Variants in DNAH14 observed in about 807,000 individuals in gnomAD.
The protein encoded by DNAH14 is axonemal beta dynein heavy chain 14.
DNAH14 carries 478 observed loss-of-function variants against 520.9 expected under a neutral mutation model. That is an observed-to-expected ratio of 0.92 (90% confidence interval 0.85 to 0.99). The LOEUF (loss-of-function observed/expected upper bound fraction) is 0.99. Among genes scored for constraint, DNAH14 ranks in the 50% least tolerant of loss-of-function variants. The pLI, the probability that DNAH14 is intolerant of heterozygous loss-of-function variation, is 0.00. For synonymous variants in DNAH14, 1,581 were observed against 1,757.2 expected (o/e 0.90, Z 2.51); for missense variants, 4,831 against 5,234.5 (o/e 0.92, Z 2.38).
At chr1:225,052,544 G>A (rs1174885657) in intron 17 of DNAH14, among the ~76,000 whole-genome samples, 1 of 152,130 alleles carries the variant, frequency 6.6e-6, no homozygotes, top group Non-Finnish European at 1.5e-5. Flanking sequence ...TATATGCCAG[G>A]CATTGTACTA....
At chr1:225,002,464 A>C (rs756488430) in intron 8 of DNAH14, among the ~76,000 whole-genome samples, 2 of 152,146 alleles carry the variant, frequency 1.3e-5, no homozygotes, top group Non-Finnish European at 2.9e-5. Context: ...AATTTAATAC[A>C]TTGAGGACAT....
intron 15 of DNAH14, among the ~76,000 whole-genome samples, chr1:225,046,234 T>C (rs1361752635): frequency 6.6e-6 from 1 of 151,950 alleles, no homozygotes; most frequent in Non-Finnish European, 1.5e-5. Context: ...TCTTTTGCAA[T>C]TTACATTCAT....
At chr1:225,036,737 C>A (rs1236885324) in intron 11 of DNAH14, among the ~76,000 whole-genome samples, 3 of 152,124 alleles carry the variant, frequency 2.0e-5, no homozygotes, top group African/African-American at 7.2e-5. Context: ...GCTGTCTTGT[C>A]TGTGTTTTAC....
intron 44 of DNAH14, among the ~76,000 whole-genome samples, chr1:225,256,781 A>T (rs1238478617): frequency 6.6e-6 from 1 of 152,214 alleles, no homozygotes; most frequent in African/African-American, 2.4e-5. Context: ...AGATTAGCTC[A>T]GTCAAATATA....
At chr1:224,996,168 A>G (rs79620384) in intron 8 of DNAH14, among the ~76,000 whole-genome samples, 6,318 of 151,064 alleles carry the variant, frequency 0.042, 216 homozygotes, top group Non-Finnish European at 0.062. Flanking sequence ...TTCAGCTTTT[A>G]TAGGTTTTTT....
rs1256337829 is a variant in DNAH14 at position 225,335,766 on chromosome 1, T to TACACAC, written c.10081-1500_10081-1499insACACAC. On this transcript the variant is annotated intron_variant, in intron 66 of 85. Coordinates refer to ENST00000682510, the MANE Select transcript of DNAH14 (RefSeq NM_001367479.1). ...GTATATACGCATATATACATACATG[T>TACACAC]GCATATGTGCATATATTCATAAGTA... Among the ~76,000 whole-genome samples the TACACAC allele has an allele frequency of 5.2e-5, 6 of 116,000 alleles. 2 individuals are homozygous for TACACAC. Among genetic ancestry groups the TACACAC allele is most frequent in the Non-Finnish European group, 1.2e-4 (6 of 51,456 alleles). The allele number at this position is 116,000 out of a possible 152,430, so 76.1% of individuals were successfully genotyped here.
At chr1:225,320,879 C>T (rs1451304837) in intron 61 of DNAH14, among the ~76,000 whole-genome samples, 1 of 152,152 alleles carries the variant, frequency 6.6e-6, no homozygotes, top group African/African-American at 2.4e-5. Flanking sequence ...GAACTACAGT[C>T]AGTTTAATCC....
intron 43 of DNAH14, among the ~76,000 whole-genome samples, chr1:225,243,992 T>C (rs2092125497): frequency 6.6e-6 from 1 of 152,198 alleles, no homozygotes; most frequent in South Asian, 2.1e-4. Context: ...TTGTCATAAA[T>C]AGCTCTTATT....
chr1:225,259,178 G>A lies in DNAH14; in HGVS notation c.7082G>A (p.Gly2361Asp). 1 of 1,546,354 alleles carries A rather than the reference G, an allele frequency of 6.5e-7. No individual in the cohort carries two copies. The highest frequency in any genetic ancestry group is 1.7e-4 in the Middle Eastern group (1 of 5,976). ...AATCAAATGCTTGAAAAGCTAGAGG[G>A]TCCAGGAGCATTTGACATAAAACAT... ...AINQMLEKLE[G>D]PGAFDIKHGS... The change falls in exon 46 of 86, where the codon GGT becomes GAT. Residue 2361 changes from glycine (G) to aspartate (D), a missense_variant. Coordinates refer to ENST00000682510, the MANE Select transcript of DNAH14 (RefSeq NM_001367479.1).
chr1:225,231,591 T>G (rs1330643369), intron 42 of DNAH14, among the ~76,000 whole-genome samples: 1 of 152,146 alleles, frequency 6.6e-6, no homozygotes, highest in Non-Finnish European at 1.5e-5. Flanking sequence ...TAGTTGTACA[T>G]CTATTCAGCC....
intron 50 of DNAH14, 55 bp from the exon 51 acceptor site, chr1:225,271,851 A>G (rs541121368): frequency 3.6e-6 from 5 of 1,404,998 alleles, no homozygotes; most frequent in Non-Finnish European, 4.8e-6. Flanking sequence ...GGTAGCCAGA[A>G]GTAGTCTATA....
Position 225,398,624 on chromosome 1 carries a change from G to C in DNAH14, c.13596G>C (p.Glu4532Asp), listed in dbSNP as rs1007611408. The stretch of plus-strand genomic sequence containing the variant: ...TACTGGAAGACTCGCTGCCTCTGGA[G>C]ATGTGCTGTGATTTTCCCGACATAT... ...QKILEDSLPL[E>D]MCCDFPDIYF... The change falls in exon 85 of 86, where the codon GAG becomes GAC. Residue 4532 changes from glutamate (E) to aspartate (D), a missense_variant. Physicochemically the swap from Glu to Asp is conservative, Grantham distance 45 (BLOSUM62 2). Transcript: ENST00000682510. 4 of 1,551,760 alleles carry C rather than the reference G, an allele frequency of 2.6e-6. No individual in the cohort carries two copies. The highest frequency in any genetic ancestry group is 3.5e-6 in the Non-Finnish European group (4 of 1,147,000).
intron 7 of DNAH14, among the ~76,000 whole-genome samples, chr1:224,972,556 C>G (rs2061562424): frequency 6.6e-6 from 1 of 151,928 alleles, no homozygotes; most frequent in South Asian, 2.1e-4. Flanking sequence ...AGCTCCGCCT[C>G]CCGGGTTCAC....
At chr1:225,118,102 G>A in intron 25 of DNAH14, 103 bp downstream of exon 25, 1 of 869,032 alleles carries the variant, frequency 1.2e-6, no homozygotes, top group East Asian at 2.6e-5. Flanking sequence ...TAAGCAAACT[G>A]TTTCTTCAAA....
intron 46 of DNAH14, among the ~76,000 whole-genome samples, chr1:225,261,839 T>C (rs1350990251): frequency 6.6e-6 from 1 of 152,120 alleles, no homozygotes; most frequent in African/African-American, 2.4e-5. Context: ...TCCTATTTTC[T>C]ATTTAGAAGA....
intron 8 of DNAH14, among the ~76,000 whole-genome samples, chr1:224,993,056 A>C (rs765518728): frequency 1.1e-4 from 17 of 152,122 alleles, no homozygotes; most frequent in Non-Finnish European, 2.2e-4. Context: ...GTTAAATCCT[A>C]GTTGACTTTG....
intron 60 of DNAH14, among the ~76,000 whole-genome samples, chr1:225,317,347 A>C (rs969051083): frequency 6.6e-6 from 1 of 152,010 alleles, no homozygotes; most frequent in Non-Finnish European, 1.5e-5. Flanking sequence ...ATGACCTAAA[A>C]TTTTTCATTA....
At chr1:225,182,132 A>T (rs1244670455) in intron 36 of DNAH14, among the ~76,000 whole-genome samples, 1 of 152,220 alleles carries the variant, frequency 6.6e-6, no homozygotes, top group East Asian at 1.9e-4. Flanking sequence ...CTGGAAGCAG[A>T]AGTTGCGGTG....
intron 38 of DNAH14, among the ~76,000 whole-genome samples, chr1:225,200,214 A>T (rs2086646669): frequency 6.6e-6 from 1 of 152,078 alleles, no homozygotes; most frequent in Non-Finnish European, 1.5e-5. Flanking sequence ...TCTTAAGTTT[A>T]TGTGAGTCAT....
Sources: gnomAD v4.1 joint callset for allele counts (sites outside exome capture counted in the v4.1 genomes callset) on GRCh38, gnomAD v4.1.1 for gene constraint, MANE v1.5 for transcripts, NCBI Gene and HGNC (gene_info 2026-07-23, HGNC 2026-07-21) for gene names.